Variants in IL1RAPL1 observed in about 807,000 individuals in gnomAD.
IL1RAPL1 encodes the protein interleukin 1 receptor accessory protein like 1.
In IL1RAPL1, 3 loss-of-function variants were observed where a neutral mutation model predicts 48.4. That is an observed-to-expected ratio of 0.06 (90% confidence interval 0.03 to 0.16). IL1RAPL1 has a LOEUF of 0.16. IL1RAPL1 is among the 10% of genes least tolerant of loss of function. IL1RAPL1 has a pLI of 1.00. For synonymous variants in IL1RAPL1, 185 were observed against 187.7 expected (o/e 0.99, Z 0.12); for missense variants, 349 against 530.6 (o/e 0.66, Z 3.36).
chrX:28,630,131 C>A (rs966993087), intron 1 of IL1RAPL1, among the ~76,000 whole-genome samples: 2 of 111,240 alleles, frequency 1.8e-5, no homozygotes, highest in Non-Finnish European at 3.8e-5. Context: ...TCAAGGCACA[C>A]TTTTCTATCT....
intron 5 of IL1RAPL1, among the ~76,000 whole-genome samples, chrX:29,564,257 A>G (rs1922329809): frequency 8.9e-6 from 1 of 112,207 alleles, no homozygotes; most frequent in Admixed American, 9.4e-5. Context: ...GCATTTCATG[A>G]CCCAGGAGGG....
chrX:28,693,751 G>A (rs1935202735), intron 1 of IL1RAPL1, among the ~76,000 whole-genome samples: 1 of 112,008 alleles, frequency 8.9e-6, no homozygotes, highest in East Asian at 2.8e-4. Flanking sequence ...CAGGGCTGAT[G>A]TTATTGACGA....
At chrX:29,396,561 A>G in intron 4 of IL1RAPL1, 117 bp downstream of exon 4, 1 of 648,970 alleles carries the variant, frequency 1.5e-6, no homozygotes. Context: ...GCCTTTCTAG[A>G]ATAATATAGC....
In IL1RAPL1 at chrX:29,007,936, T is replaced by G. The variant is rs1395520455; in HGVS notation, c.82+218511T>G. Among the ~76,000 whole-genome samples, 3 of 112,135 alleles carry G rather than the reference T, an allele frequency of 2.7e-5. No homozygotes were observed. In the Admixed American group the frequency reaches 2.8e-4, roughly 11 times the overall value. ...CATACTTTATTTGAATGTATTACATTCATATTTTATTTTTTAACGCAGACA... is the reference window on the plus strand; with the variant it reads ...CATACTTTATTTGAATGTATTACATGCATATTTTATTTTTTAACGCAGACA... On this transcript the variant is annotated intron_variant, in intron 2 of 10. Coordinates refer to ENST00000378993, the MANE Select transcript of IL1RAPL1 (RefSeq NM_014271.4).
At chrX:29,173,567 C>T (rs1038630846) in intron 2 of IL1RAPL1, among the ~76,000 whole-genome samples, 3 of 111,287 alleles carry the variant, frequency 2.7e-5, no homozygotes, top group Non-Finnish European at 5.6e-5. Flanking sequence ...GATTACAGGG[C>T]CACTCTATTA....
At chrX:29,829,057 A>C (rs1190109497) in intron 6 of IL1RAPL1, among the ~76,000 whole-genome samples, 1 of 109,911 alleles carries the variant, frequency 9.1e-6, no homozygotes, top group Non-Finnish European at 1.9e-5. Context: ...TCAGGAACCA[A>C]GGGCAAATGG....
intron 2 of IL1RAPL1, among the ~76,000 whole-genome samples, chrX:28,797,853 A>G (rs934047574): frequency 8.9e-6 from 1 of 111,803 alleles, no homozygotes; most frequent in Non-Finnish European, 1.9e-5. Flanking sequence ...CATGCTGCTG[A>G]TAAGGACATA....
At chrX:29,896,787 G>T (rs1932392895) in intron 6 of IL1RAPL1, among the ~76,000 whole-genome samples, 1 of 111,408 alleles carries the variant, frequency 9.0e-6, no homozygotes, top group Non-Finnish European at 1.9e-5. Context: ...GCAATCCCAG[G>T]TCCAAATGAT....
At chrX:29,776,949 A>C (rs1929213595) in intron 6 of IL1RAPL1, among the ~76,000 whole-genome samples, 1 of 112,157 alleles carries the variant, frequency 8.9e-6, no homozygotes, top group African/African-American at 3.2e-5. Flanking sequence ...GGGATCAGGT[A>C]CAGTTAAAAC....
chrX:29,350,240 G>A (rs1453243042), intron 3 of IL1RAPL1, among the ~76,000 whole-genome samples: 1 of 69,563 alleles, frequency 1.4e-5, no homozygotes, highest in Non-Finnish European at 2.3e-5. Context: ...AATCAGTTGT[G>A]TGTTTGGATA....
chrX:29,278,537 C>T (rs1052024333), intron 2 of IL1RAPL1, among the ~76,000 whole-genome samples: 2 of 111,850 alleles, frequency 1.8e-5, no homozygotes. Flanking sequence ...AGGAGAGTAC[C>T]AATAGCAAAT....
chrX:29,559,143 A>G (rs1201046533), intron 5 of IL1RAPL1, among the ~76,000 whole-genome samples: 2 of 112,124 alleles, frequency 1.8e-5, no homozygotes, highest in Non-Finnish European at 3.8e-5. Context: ...ATGAACATGG[A>G]ATATCTTTCC....
chrX:29,200,697 C>G (rs994886327), intron 2 of IL1RAPL1, among the ~76,000 whole-genome samples: 1 of 111,685 alleles, frequency 9.0e-6, no homozygotes. Flanking sequence ...GCTTTCTCTA[C>G]TATAAAAACT....
At chrX:28,763,194 A>G (rs1315802950) in intron 1 of IL1RAPL1, among the ~76,000 whole-genome samples, 1 of 111,455 alleles carries the variant, frequency 9.0e-6, no homozygotes, top group Admixed American at 9.6e-5. Flanking sequence ...ACTCTTATCA[A>G]TCCAGAGATG....
chrX:29,213,719 C>T (rs1171489134), intron 2 of IL1RAPL1, among the ~76,000 whole-genome samples: 4 of 112,332 alleles, frequency 3.6e-5, no homozygotes, highest in Non-Finnish European at 7.5e-5. Context: ...GCTGTCCTTC[C>T]AGATATGCCA....
chrX:29,569,195 T>G (rs1922510296), intron 5 of IL1RAPL1, among the ~76,000 whole-genome samples: 1 of 111,526 alleles, frequency 9.0e-6, no homozygotes, highest in African/African-American at 3.3e-5. Flanking sequence ...TGTTCTTCAT[T>G]CCACGCTTTG....
intron 5 of IL1RAPL1, among the ~76,000 whole-genome samples, chrX:29,492,992 T>A (rs1015289599): frequency 8.9e-6 from 1 of 111,987 alleles, no homozygotes; most frequent in Non-Finnish European, 1.9e-5. Flanking sequence ...TTGGTTTGCT[T>A]GTTTTTCCTT....
At chrX:29,089,150 A>T (rs1928023860) in intron 2 of IL1RAPL1, among the ~76,000 whole-genome samples, 1 of 111,240 alleles carries the variant, frequency 9.0e-6, no homozygotes, top group Admixed American at 9.6e-5. Context: ...TAAAGAGGGG[A>T]GTAGTAAAGA....
At chrX:29,063,799 G>T (rs1927391378) in intron 2 of IL1RAPL1, among the ~76,000 whole-genome samples, 1 of 111,900 alleles carries the variant, frequency 8.9e-6, no homozygotes, top group African/African-American at 3.3e-5. Context: ...GTCTGGTTCT[G>T]ACATATTTTT....
Sources: gnomAD v4.1 joint callset for allele counts (sites outside exome capture counted in the v4.1 genomes callset) on GRCh38, gnomAD v4.1.1 for gene constraint, MANE v1.5 for transcripts, NCBI Gene and HGNC (gene_info 2026-07-23, HGNC 2026-07-21) for gene names.